Variants in ROR1 observed in about 807,000 individuals in gnomAD.
ROR1 encodes ROR family WNT receptor 1, also known as inactive tyrosine-protein kinase transmembrane receptor ROR1.
In ROR1, 19 loss-of-function variants were observed where a neutral mutation model predicts 78.8. That is an observed-to-expected ratio of 0.24 (90% confidence interval 0.17 to 0.35). The LOEUF is 0.35. ROR1 is among the 10% of genes least tolerant of loss of function. The probability of loss-of-function intolerance (pLI) is 1.00; values close to 1 mark genes in which losing one functional copy is unlikely to be tolerated. For synonymous variants in ROR1, 386 were observed against 433.6 expected, an observed-to-expected ratio of 0.89 and a Z score of 1.36; for missense variants, 917 against 1,177.8, an observed-to-expected ratio of 0.78 and a Z score of 3.24.
intron 4 of ROR1, among the ~76,000 whole-genome samples, chr1:64,122,732 T>G (rs1406750414): frequency 6.6e-6 from 1 of 152,230 alleles, no homozygotes; most frequent in Non-Finnish European, 1.5e-5. Flanking sequence ...GATGTTCTCA[T>G]TTCCCTGGAA....
chr1:63,849,966 C>T (rs1645103864), intron 1 of ROR1, among the ~76,000 whole-genome samples: 1 of 152,222 alleles, frequency 6.6e-6, no homozygotes, highest in Admixed American at 6.5e-5. Context: ...GTGTACCCCT[C>T]CTAAATCCTG....
chr1:63,889,950 A>G (rs1645382989), intron 1 of ROR1, among the ~76,000 whole-genome samples: 1 of 152,174 alleles, frequency 6.6e-6, no homozygotes, highest in Non-Finnish European at 1.5e-5. Context: ...TTAAGATTCT[A>G]GGTGGTTGGT....
chr1:63,935,964 C>G (rs891291336), intron 1 of ROR1, among the ~76,000 whole-genome samples: 1 of 152,186 alleles, frequency 6.6e-6, no homozygotes, highest in Non-Finnish European at 1.5e-5. Flanking sequence ...ATTATGAAAG[C>G]TTTGGTAAAA....
intron 4 of ROR1, among the ~76,000 whole-genome samples, chr1:64,059,780 T>C (rs1358811655): frequency 6.6e-6 from 1 of 151,990 alleles, no homozygotes; most frequent in Non-Finnish European, 1.5e-5. Flanking sequence ...GACAGAAATT[T>C]CCTTAAACCA....
At chr1:64,013,115 G>A (rs887663373) in intron 2 of ROR1, among the ~76,000 whole-genome samples, 1 of 152,142 alleles carries the variant, frequency 6.6e-6, no homozygotes, top group Admixed American at 6.5e-5. Context: ...GGGCTGTTGT[G>A]AAAATTCACC....
At chr1:64,074,939 A>G (rs943883991) in intron 4 of ROR1, among the ~76,000 whole-genome samples, 15 of 152,238 alleles carry the variant, frequency 9.9e-5, no homozygotes, top group Admixed American at 7.2e-4. Context: ...CCCTTAGGAT[A>G]GTACCTGGCA....
rs1454313375 is a variant in ROR1, at chr1:64,178,246, G to A, written c.2205G>A (p.Arg735=). The A allele has an allele frequency of 6.2e-7, 1 of 1,614,052 alleles. No individual in the cohort carries two copies. The highest frequency in any genetic ancestry group is 8.5e-7 in the Non-Finnish European group (1 of 1,180,006). ...MTECWNEIPS[R]RPRFKDIHVR... ...AGTGCTGGAATGAGATTCCTTCTAG[G>A]AGACCAAGATTTAAAGATATTCACG... is the stretch of plus-strand genomic sequence containing the variant. The change falls in exon 9 of 9, where the codon AGG becomes AGA. Residue 735 remains arginine (R), a synonymous_variant. Coordinates refer to ENST00000371079, the MANE Select transcript of ROR1 (RefSeq NM_005012.4). This position sits in a 1 kb window ranked among gnomAD's most constrained non-coding sequence, Gnocchi z 4.3.
intron 4 of ROR1, among the ~76,000 whole-genome samples, chr1:64,133,640 A>G (rs1648999352): frequency 6.6e-6 from 1 of 152,220 alleles, no homozygotes; most frequent in Non-Finnish European, 1.5e-5. Context: ...CCTTGACATC[A>G]TGGTGAGGCA....
At chr1:63,979,604 GTCT>G (rs1646191468) in intron 1 of ROR1, among the ~76,000 whole-genome samples, 1 of 152,148 alleles carries the variant, frequency 6.6e-6, no homozygotes, top group Admixed American at 6.5e-5. Flanking sequence ...CTGGCCTTCA[GTCT>G]TCTTTGGGTG....
chr1:64,098,167 C>G (rs942447), intron 4 of ROR1, among the ~76,000 whole-genome samples: 58,521 of 151,878 alleles, frequency 0.39, 12,644 homozygotes, highest in Non-Finnish European at 0.5. Flanking sequence ...GTGAAAGCCC[C>G]TGATTTACTG....
At chr1:64,128,519 T>C (rs1247141948) in intron 4 of ROR1, among the ~76,000 whole-genome samples, 2 of 151,734 alleles carry the variant, frequency 1.3e-5, no homozygotes, top group African/African-American at 2.4e-5. Context: ...GGTGGGGAAG[T>C]AGAGAGATTG....
intron 1 of ROR1, chr1:63,843,497 G>A (rs967504786): frequency 4.0e-6 from 3 of 757,100 alleles, no homozygotes; most frequent in Admixed American, 3.6e-5. Context: ...AGGGGTCGTC[G>A]ATGGTCTGGC....
intron 1 of ROR1, among the ~76,000 whole-genome samples, chr1:63,789,854 A>G (rs760545311): frequency 4.6e-5 from 7 of 152,012 alleles, no homozygotes; most frequent in South Asian, 4.2e-4. Context: ...TCAAAGAGAC[A>G]CTCATTAAAT....
At chr1:63,904,585 G>T (rs1196003945) in intron 1 of ROR1, among the ~76,000 whole-genome samples, 1 of 152,102 alleles carries the variant, frequency 6.6e-6, no homozygotes, top group Non-Finnish European at 1.5e-5. Context: ...CTTTAAATTC[G>T]TATATTGAAG....
chr1:64,137,480 A>G lies in ROR1; in HGVS notation c.594A>G (p.Ile198Met). ...AGTCTTTGCACATGCAAGGGGAAAT[A>G]GAAAATCAGATCACAGGTAGGTAGC... The part of the protein sequence containing the change: ...YMESLHMQGE[I>M]ENQITAAFTM... Residue 198 changes from isoleucine to methionine, a missense_variant, in exon 5 of 9, where the codon ATA becomes ATG. Coordinates refer to ENST00000371079, the MANE Select transcript of ROR1 (RefSeq NM_005012.4). 1.2e-6 allele frequency: 2 copies of G among 1,613,396 alleles called. No individual in the cohort carries two copies. Among genetic ancestry groups the G allele is most frequent in the East Asian group, 4.5e-5 (2 of 44,858 alleles).
intron 1 of ROR1, among the ~76,000 whole-genome samples, chr1:63,940,444 C>T (rs544826034): frequency 2.6e-5 from 4 of 151,648 alleles, no homozygotes; most frequent in Admixed American, 6.6e-5. Flanking sequence ...CAAGTCTATT[C>T]GGTGACAGGT....
intron 1 of ROR1, among the ~76,000 whole-genome samples, chr1:63,868,769 A>G (rs1308126197): frequency 6.6e-6 from 1 of 152,230 alleles, no homozygotes; most frequent in Non-Finnish European, 1.5e-5. Context: ...CATGGGGCAC[A>G]TGCCTCTGCA....
intron 1 of ROR1, among the ~76,000 whole-genome samples, chr1:63,939,849 A>C (rs1379342328): frequency 2.0e-5 from 3 of 152,210 alleles, no homozygotes; most frequent in Non-Finnish European, 4.4e-5. Flanking sequence ...CACCACAGAC[A>C]AGCCTGCTAC....
At chr1:63,820,071 C>T (rs2100283443) in intron 1 of ROR1, among the ~76,000 whole-genome samples, 1 of 152,278 alleles carries the variant, frequency 6.6e-6, no homozygotes, top group South Asian at 2.1e-4. Context: ...AGGTGGTTAA[C>T]TTTTTGAGCC....
Sources: allele counts gnomAD v4.1 joint callset (sites outside exome capture counted in the v4.1 genomes callset), GRCh38; gene constraint gnomAD v4.1.1; non-coding constraint Gnocchi (gnomAD v3.1); transcripts MANE v1.5; gene names NCBI Gene and HGNC (gene_info 2026-07-23, HGNC 2026-07-21).